Variants in DPP8 observed in about 807,000 individuals in gnomAD.
DPP8 encodes DPP VIII.
Under a neutral mutation model 107.5 loss-of-function variants are expected in DPP8, and 31 were observed. The ratio of observed to expected loss-of-function variants is 0.29; its 90% CI spans 0.22 to 0.39. DPP8 has a LOEUF of 0.39. DPP8 is among the 10% of genes least tolerant of loss of function. DPP8 has a pLI of 1.00. For missense variants in DPP8, 842 were observed against 1,076.1 expected (o/e 0.78, Z 3.04); for synonymous variants, 381 against 356.6 (o/e 1.07, Z -0.77).
intron 14 of DPP8, 60 bp downstream of exon 14, chr15:65,466,618 G>A (rs1208288462): frequency 7.6e-6 from 11 of 1,446,048 alleles, no homozygotes; most frequent in South Asian, 1.2e-5. Context: ...TATGACACAC[G>A]TTTAGTGTAC....
At chr15:65,484,365 G>A (rs2067207603) in intron 8 of DPP8, among the ~76,000 whole-genome samples, 1 of 151,722 alleles carries the variant, frequency 6.6e-6, no homozygotes, top group African/African-American at 2.4e-5. Context: ...GGGGATATGA[G>A]GAGGTTGGGG....
rs1349410325 is a variant in DPP8, at chr15:65,443,612, A to G, written c.*3272T>C. The G allele has an allele frequency of 2.6e-5, 4 of 152,230 alleles. No homozygotes were observed. Among genetic ancestry groups the G allele is most frequent in the Non-Finnish European group, 5.9e-5 (4 of 68,044 alleles). The allele number at this position is 152,230 out of a possible 1,614,324, so 9.4% of individuals were successfully genotyped here. A position where few individuals can be genotyped will look rare whatever the true frequency, so the allele number is the denominator to read the frequency against. On this transcript the variant is annotated 3_prime_UTR_variant, in exon 20 of 20. Transcript: ENST00000300141. ...AAAGAACCAGGAATGGCATAGAGAG[A>G]AAAACTTTCATTCCAAAATTAATCT...
intron 19 of DPP8, among the ~76,000 whole-genome samples, chr15:65,448,866 A>ATATATATATATGTGTGTGTGTGTGTG (rs2063712319): frequency 2.2e-4 from 1 of 4,486 alleles, no homozygotes; most frequent in Admixed American, 6.6e-3. Context: ...TATATCTAAA[A>ATATATATATATGTGTGTGTGTGTGTG]TATATATATA....
At chr15:65,499,505 G>T (rs1003681040) in intron 4 of DPP8, among the ~76,000 whole-genome samples, 1 of 152,082 alleles carries the variant, frequency 6.6e-6, no homozygotes, top group Non-Finnish European at 1.5e-5. Flanking sequence ...TTACAGGTGT[G>T]AGCCACCATG....
At chr15:65,481,847 A>G (rs1456419135) in intron 8 of DPP8, among the ~76,000 whole-genome samples, 2 of 152,142 alleles carry the variant, frequency 1.3e-5, no homozygotes, top group South Asian at 4.1e-4. Flanking sequence ...CTAAAAATCT[A>G]TTTCTTTGAG....
intron 14 of DPP8, among the ~76,000 whole-genome samples, chr15:65,465,055 A>G (rs934939338): frequency 6.6e-6 from 1 of 152,198 alleles, no homozygotes; most frequent in African/African-American, 2.4e-5. Context: ...GTTTGTGTAC[A>G]GCAGATAATT....
In DPP8 at chr15:65,454,361, A is replaced by T; in HGVS notation, c.2173T>A (p.Tyr725Asn). 6.2e-7 allele frequency: 1 copy of T among 1,604,982 alleles called. No homozygotes were observed. Among genetic ancestry groups the T allele is most frequent in the Non-Finnish European group, 8.5e-7 (1 of 1,177,068 alleles). The change falls in exon 17 of 20, where the codon TAT (tyrosine) becomes AAT (asparagine). Residue 725 changes from tyrosine to asparagine, a missense_variant. Physicochemically the swap from Tyr to Asn is moderately radical, Grantham distance 143 (BLOSUM62 -2). Transcript: ENST00000300141. The stretch of plus-strand genomic sequence containing the variant: ...ACACGATCTAAGTCAATGAAATCAT[A>T]TCGAGAAGCTAGATATTGGAGTCCT... ...VEGLQYLASR[Y>N]DFIDLDRVGI...
rs752905406 is a variant in DPP8, at chr15:65,446,839, G to T, written c.*45C>A. 1 of 1,539,932 alleles carries T rather than the reference G, an allele frequency of 6.5e-7. No homozygotes were observed. Among genetic ancestry groups the T allele is most frequent in the East Asian group, 2.3e-5 (1 of 42,734 alleles). On this transcript the variant is annotated 3_prime_UTR_variant, in exon 20 of 20. Transcript: ENST00000300141. ...TTCTGTTGATTAAACCTCCTCATTT[G>T]GTTAAATAGCCAGTGTATACCAGAG...
intron 12 of DPP8, among the ~76,000 whole-genome samples, chr15:65,472,587 C>T (rs771251057): frequency 2.7e-4 from 41 of 152,292 alleles, no homozygotes; most frequent in African/African-American, 8.7e-4. Flanking sequence ...ATGTGAGCCA[C>T]TGTGCCCAGC....
chr15:65,512,047 A>T, intron 2 of DPP8: 1 of 631,248 alleles, frequency 1.6e-6, no homozygotes. Context: ...AGCTTTAGGA[A>T]GAAGCAATTT....
chr15:65,496,146 G>A (rs536274637), intron 5 of DPP8, among the ~76,000 whole-genome samples: 1 of 152,018 alleles, frequency 6.6e-6, no homozygotes, highest in East Asian at 2.0e-4. Flanking sequence ...ACCACGCCCG[G>A]CTAATTTTTT....
intron 11 of DPP8, chr15:65,475,475 C>G: frequency 1.3e-6 from 2 of 1,538,356 alleles, no homozygotes; most frequent in Non-Finnish European, 1.8e-6. Context: ...GGGCTGGGGT[C>G]CCTGTCTCAC....
intron 1 of DPP8, 73 bp downstream of exon 1, chr15:65,517,413 G>A (rs1348875968): frequency 6.6e-6 from 1 of 152,518 alleles, no homozygotes; most frequent in East Asian, 1.9e-4. Flanking sequence ...CCTCCGTGAG[G>A]CGGAAAGGGC....
intron 14 of DPP8, 57 bp from the exon 15 acceptor site, chr15:65,463,963 T>C: frequency 7.5e-7 from 1 of 1,328,832 alleles, no homozygotes; most frequent in African/African-American, 1.5e-5. Context: ...AGTGCTACAA[T>C]CTGGGAACAA....
chr15:65,495,341 C>T (rs575020359), intron 5 of DPP8, among the ~76,000 whole-genome samples: 36 of 152,302 alleles, frequency 2.4e-4, no homozygotes, highest in Middle Eastern at 3.4e-3. Flanking sequence ...TGCTGTGGCT[C>T]TCGCCTGTTC....
At chr15:65,479,837 C>T (rs555118577) in intron 10 of DPP8, among the ~76,000 whole-genome samples, 57 of 115,000 alleles carry the variant, frequency 5.0e-4, no homozygotes, top group African/African-American at 2.0e-3. Context: ...GGCGACAGAG[C>T]GAGACTCCGT....
At chr15:65,471,478 C>G (rs2065892592) in intron 12 of DPP8, among the ~76,000 whole-genome samples, 1 of 150,936 alleles carries the variant, frequency 6.6e-6, no homozygotes, top group East Asian at 1.9e-4. Context: ...TCCTTAGTTA[C>G]TGGGACTATA....
intron 11 of DPP8, among the ~76,000 whole-genome samples, chr15:65,475,142 C>G (rs1378556613): frequency 6.6e-6 from 1 of 152,056 alleles, no homozygotes; most frequent in Non-Finnish European, 1.5e-5. Context: ...TTACTTGTAC[C>G]CTTCTACCTC....
At chr15:65,484,302 G>T (rs950832136) in intron 8 of DPP8, among the ~76,000 whole-genome samples, 1 of 151,310 alleles carries the variant, frequency 6.6e-6, no homozygotes, top group East Asian at 1.9e-4. Context: ...CTCCAGCCCG[G>T]GTGACAGTGC....
Sources: allele counts gnomAD v4.1 joint callset (sites outside exome capture counted in the v4.1 genomes callset), GRCh38; gene constraint gnomAD v4.1.1; transcripts MANE v1.5; gene names NCBI Gene and HGNC (gene_info 2026-07-23, HGNC 2026-07-21).